The following ZMPSTE24 variants were observed in gnomAD, a reference collection of about 807,000 sequenced individuals.
ZMPSTE24 encodes the protein zinc metallopeptidase STE24.
In ZMPSTE24, 48 loss-of-function variants were observed where a neutral mutation model predicts 56.7. The ratio of observed to expected loss-of-function variants is 0.85; its 90% CI spans 0.67 to 1.08. The LOEUF is 1.08. Among genes scored for constraint, ZMPSTE24 ranks in the 50% least tolerant of loss-of-function variants. The pLI is 0.00. For missense variants in ZMPSTE24, 503 were observed against 548.7 expected (o/e 0.92, Z 0.83); for synonymous variants, 172 against 195.2 (o/e 0.88, Z 0.99).
Position 40,270,078 on chromosome 1 carries a change from G to A in ZMPSTE24, c.578G>A (p.Gly193Asp), listed in dbSNP as rs371936269. ...SLLLYIIKIG[G>D]DYFFIYAWLF... ...CTACTTTACATTATTAAAATTGGGG[G>A]TGACTATTTTTTTATTTATGCCTGG... The change falls in exon 5 of 10, where the codon GGT (glycine) becomes GAT (aspartate). Residue 193 changes from glycine to aspartate, a missense_variant. Physicochemically the swap from Gly to Asp is moderately conservative, Grantham distance 94. Coordinates refer to ENST00000372759, the MANE Select transcript of ZMPSTE24 (RefSeq NM_005857.5). 6.2e-7 allele frequency: 1 copy of A among 1,613,668 alleles called. No homozygotes were observed. The highest frequency in any genetic ancestry group is 1.3e-5 in the African/African-American group (1 of 74,888).
At chr1:40,269,173 G>GATC (rs1010416794) in intron 4 of ZMPSTE24, among the ~76,000 whole-genome samples, 103 of 152,146 alleles carry the variant, frequency 6.8e-4, no homozygotes, top group African/African-American at 2.4e-3. Context: ...AAGGCGGGAG[G>GATC]ATCACTTGAG....
chr1:40,293,122 C>G lies in ZMPSTE24; in HGVS notation c.*453C>G, dbSNP rs532066351. 1 of 159,180 alleles carries G rather than the reference C, an allele frequency of 6.3e-6. No homozygotes were observed. The highest frequency in any genetic ancestry group is 2.4e-5 in the African/African-American group (1 of 41,588). The allele number at this position is 159,180 out of a possible 1,614,324, so 9.9% of individuals were successfully genotyped here. A position where few individuals can be genotyped will look rare whatever the true frequency, so the allele number is the denominator to read the frequency against. On this transcript the variant is annotated 3_prime_UTR_variant, in exon 10 of 10. Transcript: ENST00000372759. ...TTACTTTCATGCTGTTATGATTTCACCTGGTGAATCAGTGTTTTAAATAAG... is the reference window on the plus strand; with the variant it reads ...TTACTTTCATGCTGTTATGATTTCAGCTGGTGAATCAGTGTTTTAAATAAG...
chr1:40,286,131 G>A, intron 8 of ZMPSTE24, 102 bp downstream of exon 8: 3 of 1,024,552 alleles, frequency 2.9e-6, no homozygotes, highest in Non-Finnish European at 4.5e-6. Context: ...AGACACCACA[G>A]CCAGGCTACC....
At chr1:40,277,964 CAAAAAA>C (rs35695915) in intron 6 of ZMPSTE24, among the ~76,000 whole-genome samples, 6 of 48,328 alleles carry the variant, frequency 1.2e-4, no homozygotes, top group African/African-American at 2.4e-4. Flanking sequence ...GACTCCATCT[CAAAAAA>C]AAAAAAAAAA....
At chr1:40,274,172 G>T (rs1254491341) in intron 6 of ZMPSTE24, among the ~76,000 whole-genome samples, 1 of 152,170 alleles carries the variant, frequency 6.6e-6, no homozygotes, top group Non-Finnish European at 1.5e-5. Flanking sequence ...GAGGTGGAAG[G>T]TCAGGAGTTC....
chr1:40,263,880 A>G (rs1252311354), intron 2 of ZMPSTE24, among the ~76,000 whole-genome samples: 1 of 152,126 alleles, frequency 6.6e-6, no homozygotes, highest in African/African-American at 2.4e-5. Flanking sequence ...ACTTTCTCTA[A>G]TATCTCACAG....
chr1:40,269,743 G>A (rs1042764198), intron 4 of ZMPSTE24, among the ~76,000 whole-genome samples: 20 of 152,148 alleles, frequency 1.3e-4, no homozygotes, highest in African/African-American at 4.6e-4. Flanking sequence ...TGGAATTACA[G>A]TTGTGAGCCA....
intron 8 of ZMPSTE24, chr1:40,290,615 C>T (rs1643831652): frequency 2.6e-6 from 1 of 392,060 alleles, no homozygotes; most frequent in Non-Finnish European, 4.8e-6. Flanking sequence ...CATCCGCCAC[C>T]ACGTCCGGCT....
chr1:40,265,590 G>A (rs778172939), intron 2 of ZMPSTE24, among the ~76,000 whole-genome samples: 14 of 152,060 alleles, frequency 9.2e-5, no homozygotes, highest in Non-Finnish European at 2.1e-4. Context: ...TGGCTACTTG[G>A]GGGGCTGACA....
At position 40,281,503 on chromosome 1, in the gene ZMPSTE24, T is replaced by C; in HGVS notation, c.930T>C (p.Ser310=). 1 of 1,614,016 alleles carries C rather than the reference T, an allele frequency of 6.2e-7. No homozygotes were observed. The change falls in exon 7 of 10, where the codon AGT becomes AGC. Residue 310 remains serine (S), a synonymous_variant. Transcript: ENST00000372759. ...CCCGCAATGAGGAAGAAGGGAACAG[T>C]GAAGAAATAAAAGCTAAAGTTAAAG... ...MEPRNEEEGN[S]EEIKAKVKNK...
chr1:40,284,999 C>T (rs1351005297), intron 7 of ZMPSTE24, among the ~76,000 whole-genome samples: 1 of 147,142 alleles, frequency 6.8e-6, no homozygotes, highest in Non-Finnish European at 1.5e-5. Context: ...GATCTTGGCT[C>T]ACTACAGACT....
rs375634553 is a variant in ZMPSTE24 at position 40,276,969 on chromosome 1, G to C, written c.770-4374G>C. On this transcript the variant is annotated intron_variant, in intron 6 of 9. Coordinates refer to ENST00000372759, the MANE Select transcript of ZMPSTE24 (RefSeq NM_005857.5). ...AATTTTTCAGCTTTATTATAATTTT[G>C]TGGGACCACTGTCCTATATGTAGTC... 2.0e-5 allele frequency among the ~76,000 whole-genome samples: 3 copies of C among 152,248 alleles called. No homozygotes were observed. The East Asian group carries it at 5.8e-4, about 29-fold the overall frequency.
At chr1:40,278,182 T>C (rs150762605) in intron 6 of ZMPSTE24, among the ~76,000 whole-genome samples, 33 of 152,170 alleles carry the variant, frequency 2.2e-4, no homozygotes, top group African/African-American at 7.5e-4. Flanking sequence ...TCATTAGAAA[T>C]ATGAGTAGAT....
chr1:40,262,959 A>G (rs767289346), intron 2 of ZMPSTE24: 1 of 1,016,230 alleles, frequency 9.8e-7, no homozygotes, highest in Non-Finnish European at 1.2e-6. Flanking sequence ...TTCTCTGTTT[A>G]ATAATGACAA....
rs777632184 is a variant in ZMPSTE24 at position 40,268,535 on chromosome 1, G to A, written c.474G>A (p.Gln158=). Residue 158 remains glutamine, a splice_region_variant and synonymous_variant, in exon 4 of 10, where the codon CAG becomes CAA. Coordinates refer to ENST00000372759, the MANE Select transcript of ZMPSTE24 (RefSeq NM_005857.5). ...AAGAAAAACATGGCTTCAATCAACA[G>A]GTATAATAAAGAATACAAATGTTCT... The part of the protein sequence containing the change: ...VIEEKHGFNQ[Q]TLGFFMKDAI... The A allele has an allele frequency of 2.4e-5, 38 of 1,568,460 alleles. No homozygotes were observed. The highest frequency in any genetic ancestry group is 3.3e-4 in the Middle Eastern group (2 of 6,006).
intron 2 of ZMPSTE24, among the ~76,000 whole-genome samples, chr1:40,263,730 CTTTTT>C (rs1282418065): frequency 1.6e-5 from 2 of 124,172 alleles, no homozygotes; most frequent in Admixed American, 8.2e-5. Context: ...TTAGCTTCGA[CTTTTT>C]TTTTTTTTTT....
chr1:40,275,707 G>A (rs570068319), intron 6 of ZMPSTE24, among the ~76,000 whole-genome samples: 11 of 144,798 alleles, frequency 7.6e-5, no homozygotes, highest in South Asian at 4.4e-4. Context: ...AGTCGAGATC[G>A]CGCCACTACA....
At chr1:40,273,036 A>T (rs2124583877) in intron 6 of ZMPSTE24, among the ~76,000 whole-genome samples, 1 of 152,360 alleles carries the variant, frequency 6.6e-6, no homozygotes, top group Non-Finnish European at 1.5e-5. Context: ...TTATGAAAAT[A>T]AATGGCAGAT....
chr1:40,265,430 T>C (rs1643539065), intron 2 of ZMPSTE24, among the ~76,000 whole-genome samples: 1 of 152,176 alleles, frequency 6.6e-6, no homozygotes. Flanking sequence ...AAGCAATTTA[T>C]TGGGGCTGAG....
Sources: allele counts gnomAD v4.1 joint callset (sites outside exome capture counted in the v4.1 genomes callset), GRCh38; gene constraint gnomAD v4.1.1; transcripts MANE v1.5; gene names NCBI Gene and HGNC (gene_info 2026-07-23, HGNC 2026-07-21).